Variants in ACSS3 observed in about 807,000 individuals in gnomAD.
ACSS3 encodes the protein acyl-CoA synthetase short chain family member 3.
A neutral mutation model predicts 84.2 loss-of-function variants in ACSS3; 64 were observed. The observed-to-expected ratio is 0.76, with a 90% CI of 0.62 to 0.94. ACSS3 has a LOEUF of 0.94. Among genes scored for constraint, ACSS3 ranks in the 40% least tolerant of loss-of-function variants. ACSS3 has a pLI of 0.00. For missense variants in ACSS3, 815 were observed against 867.6 expected (o/e 0.94, Z 0.76); for synonymous variants, 317 against 310.1 (o/e 1.02, Z -0.23).
At chr12:81,231,693 AACACCC>A (rs1393083600) in intron 12 of ACSS3, among the ~76,000 whole-genome samples, 1 of 151,804 alleles carries the variant, frequency 6.6e-6, no homozygotes, top group Non-Finnish European at 1.5e-5. Flanking sequence ...CTCAAAGCCC[AACACCC>A]AGCGTCCTGG....
At chr12:81,222,845 C>A (rs10862267) in intron 11 of ACSS3, among the ~76,000 whole-genome samples, 27,176 of 151,846 alleles carry the variant, frequency 0.18, 2,619 homozygotes, top group Middle Eastern at 0.22. Flanking sequence ...AGATTACTTA[C>A]ATTCATAGAA....
intron 7 of ACSS3, among the ~76,000 whole-genome samples, chr12:81,166,288 A>C (rs1224745132): frequency 6.6e-6 from 1 of 152,242 alleles, no homozygotes. Context: ...TGATGTCTTC[A>C]GCTAGGACAA....
At chr12:81,235,900 A>G (rs1565736771) in intron 13 of ACSS3, among the ~76,000 whole-genome samples, 2 of 151,364 alleles carry the variant, frequency 1.3e-5, no homozygotes, top group Admixed American at 6.6e-5. Flanking sequence ...TGTGTAAACA[A>G]TTATGTTACA....
chr12:81,106,645 A>G lies in ACSS3; in HGVS notation c.312-2915A>G, dbSNP rs544617423. The stretch of plus-strand genomic sequence containing the variant: ...AGTTTTTATCTTGAACTTTAGAGAA[A>G]TATATTAAATAATTTTGAGCACTAT... On this transcript the variant is annotated intron_variant, in intron 1 of 15. Transcript: ENST00000548058. Among the ~76,000 whole-genome samples the G allele has an allele frequency of 3.9e-5, 6 of 152,272 alleles. No individual in the cohort carries two copies. The South Asian group carries it at 6.2e-4, about 16-fold the overall frequency.
At chr12:81,245,726 T>TG (rs1655578823) in intron 13 of ACSS3, among the ~76,000 whole-genome samples, 1 of 152,196 alleles carries the variant, frequency 6.6e-6, no homozygotes, top group African/African-American at 2.4e-5. Flanking sequence ...TCTACAGTTT[T>TG]GGGGGAGTGG....
intron 2 of ACSS3, among the ~76,000 whole-genome samples, chr12:81,119,088 C>T (rs957776262): frequency 4.6e-5 from 7 of 152,076 alleles, no homozygotes; most frequent in African/African-American, 1.4e-4. Context: ...ATTTTACAGC[C>T]GGGCTGCTGG....
intron 1 of ACSS3, among the ~76,000 whole-genome samples, chr12:81,079,458 A>T (rs1194442700): frequency 6.6e-6 from 1 of 152,172 alleles, no homozygotes; most frequent in Non-Finnish European, 1.5e-5. Flanking sequence ...CAGTGGACGA[A>T]TGGCTCTGTG....
At chr12:81,247,585 CTCTA>C (rs1418915331) in intron 13 of ACSS3, among the ~76,000 whole-genome samples, 6 of 152,014 alleles carry the variant, frequency 3.9e-5, no homozygotes, top group African/African-American at 1.4e-4. Context: ...GTTAACTTCT[CTCTA>C]TATATGAATT....
chr12:81,187,779 A>T (rs1349236402), intron 8 of ACSS3, among the ~76,000 whole-genome samples: 5 of 152,006 alleles, frequency 3.3e-5, no homozygotes, highest in Non-Finnish European at 7.4e-5. Context: ...CTTAGAATAA[A>T]AATTTTAGTT....
chr12:81,237,500 T>C (rs1276346858), intron 13 of ACSS3, among the ~76,000 whole-genome samples: 1 of 151,702 alleles, frequency 6.6e-6, no homozygotes, highest in Non-Finnish European at 1.5e-5. Context: ...ATTGTCTTTT[T>C]TTCTTAAAAG....
chr12:81,125,216 A>C (rs1884991624), intron 2 of ACSS3, among the ~76,000 whole-genome samples: 1 of 97,566 alleles, frequency 1.0e-5, no homozygotes, highest in Non-Finnish European at 2.7e-5. Flanking sequence ...TTCGTCTCAA[A>C]AAAAAAAAAC....
intron 1 of ACSS3, among the ~76,000 whole-genome samples, chr12:81,099,860 T>G (rs1882364223): frequency 6.6e-6 from 1 of 152,178 alleles, no homozygotes; most frequent in Non-Finnish European, 1.5e-5. Flanking sequence ...AGAAGAATCA[T>G]GTAAACATTT....
chr12:81,128,989 C>A (rs1201289203), intron 2 of ACSS3, among the ~76,000 whole-genome samples: 2 of 152,130 alleles, frequency 1.3e-5, no homozygotes, highest in Admixed American at 1.3e-4. Context: ...ACATTTAGCC[C>A]TGAAAACTAC....
chr12:81,184,925 A>G (rs1041106894), intron 8 of ACSS3, among the ~76,000 whole-genome samples: 1 of 151,790 alleles, frequency 6.6e-6, no homozygotes, highest in African/African-American at 2.4e-5. Context: ...AGATAAAGAT[A>G]TCACAAGAAA....
intron 2 of ACSS3, among the ~76,000 whole-genome samples, chr12:81,130,328 T>G (rs1194656724): frequency 6.6e-6 from 1 of 152,204 alleles, no homozygotes; most frequent in Non-Finnish European, 1.5e-5. Flanking sequence ...CTAACTGGTG[T>G]GAGATAGTAT....
chr12:81,249,948 G>A (rs2034098362), intron 13 of ACSS3, among the ~76,000 whole-genome samples: 1 of 151,968 alleles, frequency 6.6e-6, no homozygotes, highest in African/African-American at 2.4e-5. Context: ...TAAAATCTAT[G>A]CAAAATTGGC....
chr12:81,213,415 T>A (rs2032670959), intron 9 of ACSS3, among the ~76,000 whole-genome samples: 1 of 152,140 alleles, frequency 6.6e-6, no homozygotes, highest in Non-Finnish European at 1.5e-5. Context: ...CAAAGAAGGA[T>A]AACCAAAGTA....
intron 1 of ACSS3, among the ~76,000 whole-genome samples, chr12:81,106,979 A>T (rs1406753209): frequency 1.4e-5 from 2 of 141,180 alleles, no homozygotes; most frequent in East Asian, 2.4e-4. Flanking sequence ...GCAAGTTTGC[A>T]GTTGTGATGG....
chr12:81,162,101 C>G (rs1315363265), intron 7 of ACSS3, among the ~76,000 whole-genome samples: 1 of 152,186 alleles, frequency 6.6e-6, no homozygotes, highest in Non-Finnish European at 1.5e-5. Context: ...TGTGCTATAG[C>G]TCTTTCAGTT....
Sources: gnomAD v4.1 joint callset for allele counts (sites outside exome capture counted in the v4.1 genomes callset) on GRCh38, gnomAD v4.1.1 for gene constraint, MANE v1.5 for transcripts, NCBI Gene and HGNC (gene_info 2026-07-23, HGNC 2026-07-21) for gene names.